Variants in DPY19L1 observed in about 807,000 individuals in gnomAD.
DPY19L1 encodes protein C-mannosyl-transferase DPY19L1.
Under a neutral mutation model 96.9 loss-of-function variants are expected in DPY19L1, and 35 were observed. The observed-to-expected ratio is 0.36, with a 90% CI of 0.28 to 0.48. The LOEUF is 0.48. Ranked by LOEUF, DPY19L1 falls within the 20% of genes least tolerant of loss-of-function variation. The pLI is 0.99. For missense variants in DPY19L1, 521 were observed against 777.9 expected (o/e 0.67, Z 3.93); for synonymous variants, 205 against 252.6 (o/e 0.81, Z 1.79).
chr7:35,015,386 C>T (rs933251053), intron 3 of DPY19L1, among the ~76,000 whole-genome samples: 1 of 152,080 alleles, frequency 6.6e-6, no homozygotes, highest in Non-Finnish European at 1.5e-5. Context: ...TCACAAAGAC[C>T]CTGCTGATAA....
At chr7:35,008,077 C>G (rs1284203589) in intron 6 of DPY19L1, among the ~76,000 whole-genome samples, 1 of 151,874 alleles carries the variant, frequency 6.6e-6, no homozygotes, top group Non-Finnish European at 1.5e-5. Flanking sequence ...TTTGTCTCTC[C>G]CTGGTATGCT....
chr7:34,952,896 A>G (rs1784298128), intron 13 of DPY19L1, among the ~76,000 whole-genome samples: 1 of 152,224 alleles, frequency 6.6e-6, no homozygotes, highest in Non-Finnish European at 1.5e-5. Context: ...TCATTCATAA[A>G]AAACTGAGAA....
intron 8 of DPY19L1, among the ~76,000 whole-genome samples, chr7:34,969,742 A>G (rs953338721): frequency 2.6e-5 from 4 of 152,244 alleles, no homozygotes; most frequent in African/African-American, 9.6e-5. Flanking sequence ...GCTAACAATA[A>G]CACAGAGAGA....
intron 7 of DPY19L1, among the ~76,000 whole-genome samples, chr7:34,978,782 T>TCATCGCTAATTTTAATTACTGAGCATTAC (rs1784880304): frequency 6.6e-6 from 1 of 152,118 alleles, no homozygotes; most frequent in Non-Finnish European, 1.5e-5. Flanking sequence ...TAATTACTGA[T>TCATCGCTAATTTTAATTACTGAGCATTAC]TGAGCATCGC....
At chr7:34,969,331 A>T in intron 9 of DPY19L1, 102 bp downstream of exon 9, 1 of 555,128 alleles carries the variant, frequency 1.8e-6, no homozygotes, top group Non-Finnish European at 2.9e-6. Context: ...TTAGTGTTTT[A>T]GGACTTAGAA....
intron 11 of DPY19L1, among the ~76,000 whole-genome samples, chr7:34,956,919 A>C (rs1784390920): frequency 6.6e-6 from 1 of 152,246 alleles, no homozygotes; most frequent in South Asian, 2.1e-4. Context: ...TAATTACTCA[A>C]GAAGTCGAAT....
intron 1 of DPY19L1, among the ~76,000 whole-genome samples, chr7:35,029,623 TATATCA>T (rs1786213163): frequency 6.6e-6 from 1 of 152,192 alleles, no homozygotes; most frequent in African/African-American, 2.4e-5. Context: ...ACTGTGTTGT[TATATCA>T]TTGCCAAGCC....
At chr7:35,006,132 T>C (rs73691607) in intron 6 of DPY19L1, among the ~76,000 whole-genome samples, 29,833 of 152,160 alleles carry the variant, frequency 0.2, 3,299 homozygotes, top group Admixed American at 0.35. Flanking sequence ...AACCCTGTTA[T>C]TGTTTGCACT....
rs1157664544 is a variant in DPY19L1, at chr7:35,037,291, G to A, written c.104C>T (p.Ala35Val). Residue 35 changes from alanine to valine, a missense_variant, in exon 1 of 22, where the codon GCC becomes GTC. Physicochemically the swap from Ala to Val is moderately conservative, Grantham distance 64. Coordinates refer to ENST00000638088, the MANE Select transcript of DPY19L1 (RefSeq NM_001366673.1). Reference protein sequence around the residue: ...SPLRGASDVGAGEPGPERAPL... With the variant: ...SPLRGASDVGVGEPGPERAPL... ...CGCGCGCTCGGGCCCCGGCTCCCCG[G>A]CGCCGACGTCCGACGCCCCCCTCAG... 4 of 340,200 alleles carry A rather than the reference G, an allele frequency of 1.2e-5. No homozygotes were observed. The highest frequency in any genetic ancestry group is 2.1e-5 in the Non-Finnish European group (4 of 189,006). The allele number at this position is 340,200 out of a possible 1,614,324, so 21.1% of individuals were successfully genotyped here.
rs2128778401 is a variant in DPY19L1 at position 34,929,682 on chromosome 7, A to T, written c.*1891T>A. ...AGCGCGCACCTCCCTCTCCCTGCTC[A>T]TGTCAACTCCCATCCTCAGCCTCAA... On this transcript the variant is annotated 3_prime_UTR_variant, in exon 22 of 22. Coordinates refer to ENST00000638088, the MANE Select transcript of DPY19L1 (RefSeq NM_001366673.1). 1 of 152,342 alleles carries T rather than the reference A, an allele frequency of 6.6e-6. No homozygotes were observed. The highest frequency in any genetic ancestry group is 1.5e-5 in the Non-Finnish European group (1 of 68,046). The allele number at this position is 152,342 out of a possible 1,614,324, so 9.4% of individuals were successfully genotyped here.
intron 20 of DPY19L1, among the ~76,000 whole-genome samples, chr7:34,938,502 T>C (rs1783921181): frequency 1.3e-5 from 2 of 152,192 alleles, no homozygotes; most frequent in South Asian, 2.1e-4. Flanking sequence ...AGTCCCAACT[T>C]AGACATCAAC....
At chr7:34,955,284 G>C (rs1224322781) in intron 12 of DPY19L1, 24 bp downstream of exon 12, 1 of 1,555,196 alleles carries the variant, frequency 6.4e-7, no homozygotes, top group African/African-American at 1.4e-5. Context: ...AAAAACATAA[G>C]CATTAAAATA....
intron 6 of DPY19L1, among the ~76,000 whole-genome samples, chr7:35,001,917 A>G (rs2128675631): frequency 6.6e-6 from 1 of 152,194 alleles, no homozygotes. Flanking sequence ...CCAGGTCAAG[A>G]GATTGAGACA....
chr7:35,027,190 G>A (rs1275142250), intron 1 of DPY19L1, among the ~76,000 whole-genome samples: 1 of 151,584 alleles, frequency 6.6e-6, no homozygotes, highest in Admixed American at 6.6e-5. Flanking sequence ...GGCAACAAGA[G>A]CAAAACTCCG....
At chr7:34,999,614 A>G (rs1054773071) in intron 6 of DPY19L1, among the ~76,000 whole-genome samples, 2 of 152,192 alleles carry the variant, frequency 1.3e-5, no homozygotes, top group Non-Finnish European at 2.9e-5. Context: ...GGACGGGTCT[A>G]GGATGGAACC....
intron 1 of DPY19L1, among the ~76,000 whole-genome samples, chr7:35,032,743 A>G (rs1786290837): frequency 6.6e-6 from 1 of 152,142 alleles, no homozygotes; most frequent in Non-Finnish European, 1.5e-5. Context: ...AGTCTTCACT[A>G]TCTTGGTGAA....
chr7:35,025,291 T>C (rs1786095072), intron 1 of DPY19L1, among the ~76,000 whole-genome samples: 1 of 152,154 alleles, frequency 6.6e-6, no homozygotes, highest in Non-Finnish European at 1.5e-5. Flanking sequence ...ACAACACGTT[T>C]TCCTAGGAAC....
chr7:34,978,585 C>A (rs1271321823), intron 7 of DPY19L1, among the ~76,000 whole-genome samples: 39 of 151,912 alleles, frequency 2.6e-4, no homozygotes, highest in Admixed American at 2.5e-3. Flanking sequence ...TTAGGAAGAC[C>A]CTTAGTTTGG....
chr7:35,006,172 A>C (rs955222981), intron 6 of DPY19L1, among the ~76,000 whole-genome samples: 1 of 152,222 alleles, frequency 6.6e-6, no homozygotes. Context: ...AATTTATAAT[A>C]AACTTTATAG....
Sources: gnomAD v4.1 joint callset for allele counts (sites outside exome capture counted in the v4.1 genomes callset) on GRCh38, gnomAD v4.1.1 for gene constraint, MANE v1.5 for transcripts, NCBI Gene and HGNC (gene_info 2026-07-23, HGNC 2026-07-21) for gene names.